EBF1: variants seen among roughly 807,000 people sequenced by gnomAD.
The protein encoded by EBF1 is transcription factor COE1.
In EBF1, 10 loss-of-function variants were observed where a neutral mutation model predicts 68.4. The ratio of observed to expected loss-of-function variants is 0.15; its 90% CI spans 0.09 to 0.25. The LOEUF (loss-of-function observed/expected upper bound fraction) is 0.25, where lower values mean the gene tolerates loss of function less well. Among genes scored for constraint, EBF1 ranks in the 10% least tolerant of loss-of-function variants. EBF1 has a pLI of 1.00. For synonymous variants in EBF1, 298 were observed against 299.8 expected (o/e 0.99, Z 0.06); for missense variants, 509 against 794.4 (o/e 0.64, Z 4.32).
chr5:158,801,716 T>C (rs1192942750), intron 8 of EBF1, among the ~76,000 whole-genome samples: 2 of 150,962 alleles, frequency 1.3e-5, no homozygotes, highest in African/African-American at 4.9e-5. Flanking sequence ...CCAGTACGTA[T>C]TTAACAACTA....
chr5:159,053,269 C>G (rs543078371), intron 6 of EBF1, among the ~76,000 whole-genome samples: 123 of 152,278 alleles, frequency 8.1e-4, no homozygotes, highest in Non-Finnish European at 1.4e-3. Flanking sequence ...AATAAGAATA[C>G]TCAGCACATA....
chr5:159,069,797 C>G (rs1460754808), intron 6 of EBF1, among the ~76,000 whole-genome samples: 1 of 152,074 alleles, frequency 6.6e-6, no homozygotes, highest in Admixed American at 6.5e-5. Context: ...ATTACTCCTG[C>G]AAAATTTAAT....
chr5:159,080,696 C>T (rs1271051507), intron 5 of EBF1, among the ~76,000 whole-genome samples: 2 of 152,186 alleles, frequency 1.3e-5, no homozygotes, highest in Admixed American at 6.5e-5. Flanking sequence ...TGTGTAAAGG[C>T]ACTGTGATAA....
At position 158,957,938 on chromosome 5, in the gene EBF1, T is replaced by A. The variant is rs539876223; in HGVS notation, c.554+115458A>T. Among the ~76,000 whole-genome samples the A allele has an allele frequency of 8.3e-4, 126 of 152,276 alleles. 1 individual carries two copies. The highest frequency in any genetic ancestry group is 2.8e-3 in the African/African-American group (118 of 41,552). On this transcript the variant is annotated intron_variant, in intron 6 of 15. Transcript: ENST00000313708. Reference sequence around the variant, plus strand: ...ACTCTCTTTTTGTGGGAATATCTTTTACACGAGGCTTAGAGGGAAAAAGGA... The same window carrying A: ...ACTCTCTTTTTGTGGGAATATCTTTAACACGAGGCTTAGAGGGAAAAAGGA...
chr5:158,999,481 A>G (rs1475301027), intron 6 of EBF1, among the ~76,000 whole-genome samples: 4 of 152,262 alleles, frequency 2.6e-5, no homozygotes, highest in Non-Finnish European at 5.9e-5. Flanking sequence ...GTTAGAGAAC[A>G]GAAAGCTTTC....
At chr5:158,832,510 G>A (rs983583709) in intron 7 of EBF1, among the ~76,000 whole-genome samples, 1 of 152,236 alleles carries the variant, frequency 6.6e-6, no homozygotes, top group Non-Finnish European at 1.5e-5. Flanking sequence ...AGTGATCGCA[G>A]CTCGGGCCCC....
intron 8 of EBF1, among the ~76,000 whole-genome samples, chr5:158,816,332 C>A (rs1783729999): frequency 6.6e-6 from 1 of 152,266 alleles, no homozygotes; most frequent in East Asian, 1.9e-4. Flanking sequence ...GACCCCAAAT[C>A]CTCTGGCATG....
At chr5:158,798,997 A>C (rs1484151645) in intron 8 of EBF1, among the ~76,000 whole-genome samples, 1 of 152,106 alleles carries the variant, frequency 6.6e-6, no homozygotes, top group African/African-American at 2.4e-5. Flanking sequence ...AGCTCCTCCT[A>C]TACATCTGTT....
At chr5:158,845,530 A>G (rs1791293476) in intron 6 of EBF1, among the ~76,000 whole-genome samples, 1 of 152,162 alleles carries the variant, frequency 6.6e-6, no homozygotes, top group African/African-American at 2.4e-5. Flanking sequence ...AGGAAGTGAT[A>G]ATTATTTTCT....
intron 5 of EBF1, among the ~76,000 whole-genome samples, chr5:159,079,692 A>G (rs1779415863): frequency 1.4e-5 from 2 of 147,038 alleles, no homozygotes; most frequent in African/African-American, 5.1e-5. Flanking sequence ...GCTCACTGCA[A>G]CCTCCACCTC....
intron 6 of EBF1, among the ~76,000 whole-genome samples, chr5:158,964,284 T>G (rs902689198): frequency 1.3e-5 from 2 of 152,094 alleles, no homozygotes; most frequent in Non-Finnish European, 2.9e-5. Flanking sequence ...TCTTAAAAGC[T>G]TGCACTTTCA....
At chr5:158,735,598 G>A (rs1765007412) in intron 10 of EBF1, among the ~76,000 whole-genome samples, 1 of 152,222 alleles carries the variant, frequency 6.6e-6, no homozygotes, top group African/African-American at 2.4e-5. Context: ...CCACAGCTAT[G>A]ATGTGATACT....
intron 10 of EBF1, among the ~76,000 whole-genome samples, chr5:158,736,600 G>A (rs1162453310): frequency 6.6e-6 from 1 of 152,150 alleles, no homozygotes; most frequent in Non-Finnish European, 1.5e-5. Context: ...TCATAGCAGA[G>A]GCAATGATAA....
chr5:159,087,367 TAC>T (rs1180304498), intron 4 of EBF1, among the ~76,000 whole-genome samples: 1 of 129,562 alleles, frequency 7.7e-6, no homozygotes, highest in East Asian at 2.1e-4. Context: ...CATATATATA[TAC>T]ACACATATAT....
At position 158,963,685 on chromosome 5, in the gene EBF1, C is replaced by T. The variant is rs375244608; in HGVS notation, c.554+109711G>A. Among the ~76,000 whole-genome samples the T allele has an allele frequency of 3.0e-3, 456 of 152,216 alleles. 1 individual carries two copies. Among genetic ancestry groups the T allele is most frequent in the Non-Finnish European group, 4.5e-3 (308 of 67,998 alleles). On this transcript the variant is annotated intron_variant, in intron 6 of 15. Transcript: ENST00000313708. ...TAGGAAAAAAACAAAGATATTAAAT[C>T]GAAACATTTAAACATGACATAAAAA... is the stretch of plus-strand genomic sequence containing the variant.
chr5:159,065,521 T>C (rs878938383), intron 6 of EBF1, among the ~76,000 whole-genome samples: 5 of 152,218 alleles, frequency 3.3e-5, no homozygotes, highest in Admixed American at 3.3e-4. Context: ...TGTCATGTCC[T>C]GAGCCCCAGT....
intron 4 of EBF1, among the ~76,000 whole-genome samples, chr5:159,094,221 T>C (rs1461514320): frequency 7.8e-6 from 1 of 128,592 alleles, no homozygotes; most frequent in East Asian, 2.3e-4. Flanking sequence ...AAGTGAATTA[T>C]CCTATGCAAT....
intron 6 of EBF1, among the ~76,000 whole-genome samples, chr5:158,923,549 T>C (rs2127412302): frequency 6.6e-6 from 1 of 152,330 alleles, no homozygotes; most frequent in East Asian, 1.9e-4. Context: ...GTAGCTCTGC[T>C]GAGCTTCTGC....
chr5:159,046,598 G>A (rs141987988), intron 6 of EBF1, among the ~76,000 whole-genome samples: 15 of 152,260 alleles, frequency 9.9e-5, no homozygotes, highest in South Asian at 2.1e-4. Flanking sequence ...ACTAGTGAGC[G>A]TCTTTCTTTT....
Sources: gnomAD v4.1 joint callset for allele counts (sites outside exome capture counted in the v4.1 genomes callset) on GRCh38, gnomAD v4.1.1 for gene constraint, MANE v1.5 for transcripts, NCBI Gene and HGNC (gene_info 2026-07-23, HGNC 2026-07-21) for gene names.